The following CCDC150 variants were observed in gnomAD, a reference collection of about 807,000 sequenced individuals.
The protein encoded by CCDC150 is coiled-coil domain-containing protein 150.
CCDC150 carries 151 observed loss-of-function variants against 156.5 expected under a neutral mutation model. That is an observed-to-expected ratio of 0.97 (90% CI 0.85 to 1.10). The LOEUF (loss-of-function observed/expected upper bound fraction) is 1.10. Ranked by LOEUF, CCDC150 falls within the 50% of genes least tolerant of loss-of-function variation. The pLI is 0.00. For missense variants in CCDC150, 1,312 were observed against 1,268.1 expected, an observed-to-expected ratio of 1.03 and a Z score of -0.53; for synonymous variants, 452 against 429.4, an observed-to-expected ratio of 1.05 and a Z score of -0.65.
In CCDC150 at chr2:196,669,919, C is replaced by T. The variant is rs753958533; in HGVS notation, c.936+43C>T. The T allele has an allele frequency of 8.5e-6, 12 of 1,410,606 alleles. No homozygotes were observed. The Admixed American group carries it at 2.0e-4, about 23-fold the overall frequency. 87.4% of individuals were successfully genotyped at this position (1,410,606 alleles called of 1,614,324 possible). ...GGAGTACAGAGGTGGTCTTTCCTCT[C>T]TTCACTAAGTCCTATTTCCTCTTCC... On this transcript the variant is annotated intron_variant, in intron 8 of 27. Transcript: ENST00000389175.
rs533398451 is a variant in CCDC150, at chr2:196,712,247, G to A, written c.1798G>A (p.Ala600Thr). ...GAATAAGTATTTACAGACTAAATAT[G>A]CTCAGGTGTGATTAATATCTACAAA... is the stretch of plus-strand genomic sequence containing the variant. ...KMNKYLQTKY[A>T]QANSELSAKR... is the part of the protein sequence containing the mutation. Residue 600 changes from alanine to threonine, a missense_variant, in exon 16 of 28, where the codon GCT (alanine) becomes ACT (threonine). By Grantham distance (58) the Ala-to-Thr change is moderately conservative. Transcript: ENST00000389175. 2.0e-6 allele frequency: 3 copies of A among 1,487,326 alleles called. No individual in the cohort carries two copies. Among genetic ancestry groups the A allele is most frequent in the African/African-American group, 2.8e-5 (2 of 71,640 alleles). 92.1% of individuals were successfully genotyped at this position (1,487,326 alleles called of 1,614,324 possible). A position where few individuals can be genotyped will look rare whatever the true frequency, so the allele number is the denominator to read the frequency against.
chr2:196,691,603 CTTA>C (rs141554934), intron 13 of CCDC150, among the ~76,000 whole-genome samples: 116,773 of 151,428 alleles, frequency 0.77, 45,187 homozygotes, highest in East Asian at 0.95. Context: ...ACTCTCTTTT[CTTA>C]TTTATTAGTC....
At chr2:196,650,136 A>G (rs775307684) in intron 2 of CCDC150, among the ~76,000 whole-genome samples, 13 of 152,174 alleles carry the variant, frequency 8.5e-5, no homozygotes, top group Admixed American at 1.3e-4. Flanking sequence ...CTTATCATAT[A>G]TGGCGTTTAT....
intron 17 of CCDC150, 104 bp from the exon 18 acceptor site, chr2:196,718,399 T>G: frequency 1.1e-6 from 1 of 871,930 alleles, no homozygotes; most frequent in Non-Finnish European, 1.7e-6. Context: ...TTTATAGTAG[T>G]GAATAAATAT....
intron 15 of CCDC150, among the ~76,000 whole-genome samples, chr2:196,706,531 T>G (rs1425287953): frequency 1.3e-5 from 2 of 152,192 alleles, no homozygotes; most frequent in Non-Finnish European, 2.9e-5. Flanking sequence ...TTGCCCTGGC[T>G]AGAACTTACA....
Position 196,666,899 on chromosome 2 carries a change from C to A in CCDC150, c.892+51C>A, listed in dbSNP as rs1299574723. ...CCCTCTTGTTAGTTTTTGGAGATTT[C>A]ATGGAAAAACTCTTAAGATCCCAAA... On this transcript the variant is annotated intron_variant, in intron 7 of 27. Coordinates refer to ENST00000389175, the MANE Select transcript of CCDC150 (RefSeq NM_001080539.2). 4 of 1,599,812 alleles carry A rather than the reference C, an allele frequency of 2.5e-6. No homozygotes were observed. The Admixed American group carries it at 6.7e-5, about 27-fold the overall frequency.
chr2:196,730,111 G>T lies in CCDC150; in HGVS notation c.2975G>T (p.Arg992Leu). Residue 992 changes from arginine (R) to leucine (L), a missense_variant, in exon 25 of 28, where the codon CGG becomes CTG. By Grantham distance (102) the Arg-to-Leu change is moderately radical. Transcript: ENST00000389175. ...ERKIRQELEN[R>L]CQELEETVRH... is the part of the protein sequence containing the mutation. ...AAAATAAGGCAGGAGCTAGAGAATC[G>T]GTGCCAGGTAAAAGGTTTCCTAAGA... is the stretch of plus-strand genomic sequence containing the variant. The T allele has an allele frequency of 1.9e-6, 3 of 1,601,012 alleles. No individual in the cohort carries two copies. The highest frequency in any genetic ancestry group is 2.6e-6 in the Non-Finnish European group (3 of 1,174,880).
In CCDC150 at chr2:196,729,975, T is replaced by C. The variant is rs1698438855; in HGVS notation, c.2839T>C (p.Phe947Leu). 6.2e-7 allele frequency: 1 copy of C among 1,612,946 alleles called. No homozygotes were observed. Among genetic ancestry groups the C allele is most frequent in the Non-Finnish European group, 8.5e-7 (1 of 1,179,570 alleles). The stretch of plus-strand genomic sequence containing the variant: ...CTTCCAGTCTTTGAGTATCCAGAGA[T>C]TTGTGTGTGAAATGACTAACCTGCA... ...NYEQSLSIQR[F>L]VCEMTNLQKE... Residue 947 changes from phenylalanine (F) to leucine (L), a missense_variant, in exon 25 of 28, where the codon TTT becomes CTT. Physicochemically the swap from Phe to Leu is conservative, Grantham distance 22. Transcript: ENST00000389175.
intron 13 of CCDC150, among the ~76,000 whole-genome samples, chr2:196,693,670 C>T (rs1695626208): frequency 6.6e-6 from 1 of 152,092 alleles, no homozygotes; most frequent in Admixed American, 6.6e-5. Flanking sequence ...CTATGGCCTC[C>T]TGTATGATGT....
At chr2:196,688,655 G>C (rs1305753112) in intron 13 of CCDC150, among the ~76,000 whole-genome samples, 1 of 152,132 alleles carries the variant, frequency 6.6e-6, no homozygotes, top group Non-Finnish European at 1.5e-5. Flanking sequence ...CCCTTTGTCA[G>C]ATGAGTAGGT....
At chr2:196,695,741 G>A (rs1695781437) in intron 14 of CCDC150, among the ~76,000 whole-genome samples, 1 of 151,430 alleles carries the variant, frequency 6.6e-6, no homozygotes, top group African/African-American at 2.4e-5. Flanking sequence ...TACTCGGGAG[G>A]CGGAGCTTGC....
intron 13 of CCDC150, chr2:196,686,181 G>A: frequency 3.5e-6 from 1 of 287,930 alleles, no homozygotes; most frequent in Non-Finnish European, 6.8e-6. Context: ...ACAAACTGCT[G>A]CTGGAATGCT....
intron 16 of CCDC150, 114 bp downstream of exon 16, chr2:196,712,366 C>G: frequency 1.6e-6 from 1 of 623,910 alleles, no homozygotes; most frequent in South Asian, 2.8e-5. Flanking sequence ...TATGCTGTCA[C>G]TTGACTCAGT....
intron 15 of CCDC150, among the ~76,000 whole-genome samples, chr2:196,704,489 T>G (rs1330618872): frequency 6.6e-6 from 1 of 152,170 alleles, no homozygotes; most frequent in African/African-American, 2.4e-5. Flanking sequence ...GTGCATATCC[T>G]AAGTTTTACT....
intron 9 of CCDC150, among the ~76,000 whole-genome samples, chr2:196,673,193 C>T (rs775658519): frequency 3.2e-4 from 48 of 152,104 alleles, no homozygotes; most frequent in Admixed American, 7.2e-4. Context: ...GGCACAATTC[C>T]AGGCACCTTA....
chr2:196,657,110 A>G lies in CCDC150; in HGVS notation c.550A>G (p.Thr184Ala), dbSNP rs750855228. 19 of 1,613,636 alleles carry G rather than the reference A, an allele frequency of 1.2e-5. No homozygotes were observed. Among genetic ancestry groups the G allele is most frequent in the Non-Finnish European group, 1.4e-5 (16 of 1,179,724 alleles). The change falls in exon 4 of 28, where the codon ACT (threonine) becomes GCT (alanine). Residue 184 changes from threonine (T) to alanine (A), a missense_variant. By Grantham distance (58) the Thr-to-Ala change is moderately conservative (BLOSUM62 0). Coordinates refer to ENST00000389175, the MANE Select transcript of CCDC150 (RefSeq NM_001080539.2). The part of the protein sequence containing the change: ...AQDEVQRLTA[T>A]LKIASQTKKN... Reference sequence around the variant, plus strand: ...AGATGAGGTGCAAAGGTTGACTGCCACTCTGAAGATTGCCTCGCAGACAAA... The same window carrying G: ...AGATGAGGTGCAAAGGTTGACTGCCGCTCTGAAGATTGCCTCGCAGACAAA...
chr2:196,730,914 C>T lies in CCDC150; in HGVS notation c.3038C>T (p.Thr1013Met), dbSNP rs753548995. ...LKKCKEATEN[T>M]LKEASVESEQ... ...AAATGTAAAGAGGCAACAGAGAATA[C>T]GCTGAAAGAAGCCAGTGTGGAATCA... Residue 1013 changes from threonine to methionine, a missense_variant, in exon 26 of 28, where the codon ACG becomes ATG. Physicochemically the swap from Thr to Met is moderately conservative, Grantham distance 81. Coordinates refer to ENST00000389175, the MANE Select transcript of CCDC150 (RefSeq NM_001080539.2). 2.2e-5 allele frequency: 36 copies of T among 1,600,632 alleles called. No individual in the cohort carries two copies. The Middle Eastern group carries it at 2.5e-3, about 110-fold the overall frequency.
Position 196,725,956 on chromosome 2 carries a change from T to G in CCDC150, c.2430-17T>G, listed in dbSNP as rs1410496703. ...TGATTTCTAAAGGTGACTTATCACCTCTCTTCTTCAAAACAGAGACCGGAT... is the reference window on the plus strand; with the variant it reads ...TGATTTCTAAAGGTGACTTATCACCGCTCTTCTTCAAAACAGAGACCGGAT... On this transcript the variant is annotated splice_polypyrimidine_tract_variant and intron_variant, in intron 21 of 27. Transcript: ENST00000389175. 1 of 1,579,438 alleles carries G rather than the reference T, an allele frequency of 6.3e-7. No individual in the cohort carries two copies. The highest frequency in any genetic ancestry group is 8.6e-7 in the Non-Finnish European group (1 of 1,161,698).
Position 196,666,600 on chromosome 2 carries a change from AACTT to A in CCDC150, c.763-118_763-115del, listed in dbSNP as rs542273332. ...TGAGATTTTAACTGTAACATAGACT[AACTT>A]CTTGTTGCTTCTCAGTGACATTAAG... On this transcript the variant is annotated intron_variant, in intron 6 of 27. Transcript: ENST00000389175. 2.6e-4 allele frequency: 219 copies of A among 845,750 alleles called. 2 individuals carry two copies. In the East Asian group the frequency reaches 5.6e-3, roughly 22 times the overall value. 52.4% of individuals were successfully genotyped at this position (845,750 alleles called of 1,614,324 possible). A position where few individuals can be genotyped will look rare whatever the true frequency, so the allele number is the denominator to read the frequency against.
Sources: allele counts gnomAD v4.1 joint callset (sites outside exome capture counted in the v4.1 genomes callset), GRCh38; gene constraint gnomAD v4.1.1; transcripts MANE v1.5; gene names NCBI Gene and HGNC (gene_info 2026-07-23, HGNC 2026-07-21).